PTPRN2: variants seen among roughly 807,000 people sequenced by gnomAD.
The protein encoded by PTPRN2 is receptor-type tyrosine-protein phosphatase N2.
Under a neutral mutation model 118.8 loss-of-function variants are expected in PTPRN2, and 74 were observed. That is an observed-to-expected ratio of 0.62 (90% CI 0.52 to 0.76). The LOEUF (loss-of-function observed/expected upper bound fraction) is 0.76. Among genes scored for constraint, PTPRN2 ranks in the 30% least tolerant of loss-of-function variants. The probability of loss-of-function intolerance (pLI) is 0.00; values close to 1 mark genes in which losing one functional copy is unlikely to be tolerated. For synonymous variants in PTPRN2, 641 were observed against 608.0 expected, an observed-to-expected ratio of 1.05 and a Z score of -0.80; for missense variants, 1,481 against 1,394.4, an observed-to-expected ratio of 1.06 and a Z score of -0.99.
intron 2 of PTPRN2, among the ~76,000 whole-genome samples, chr7:158,450,412 T>C (rs1217843789): frequency 2.0e-5 from 3 of 152,246 alleles, no homozygotes; most frequent in African/African-American, 7.2e-5. Context: ...CTTGCTTTTT[T>C]TAACCTCATA....
Position 158,285,239 on chromosome 7 carries a change from G to A in PTPRN2, c.277+31580C>T, listed in dbSNP as rs138842046. On this transcript the variant is annotated intron_variant, in intron 3 of 22. Transcript: ENST00000389418. ...TGTGTGGGAAGAAAAGGGCACTCGCGGTCCCATGGGCCAAACAAAAGAGTG... is the reference window on the plus strand; with the variant it reads ...TGTGTGGGAAGAAAAGGGCACTCGCAGTCCCATGGGCCAAACAAAAGAGTG... Among the ~76,000 whole-genome samples, 208 of 152,234 alleles carry A rather than the reference G, an allele frequency of 1.4e-3. 1 individual carries two copies. The highest frequency in any genetic ancestry group is 4.7e-3 in the African/African-American group (197 of 41,554).
At chr7:157,656,710 G>A (rs1053635163) in intron 13 of PTPRN2, among the ~76,000 whole-genome samples, 159 bp from the exon 14 acceptor site, 5 of 152,052 alleles carry the variant, frequency 3.3e-5, no homozygotes, top group African/African-American at 7.3e-5. Context: ...GCAACATGAC[G>A]GTCAACGCAC....
intron 11 of PTPRN2, among the ~76,000 whole-genome samples, chr7:157,918,856 G>T (rs1202175426): frequency 6.6e-6 from 1 of 152,332 alleles, no homozygotes; most frequent in East Asian, 1.9e-4. Flanking sequence ...GGACGGAAGG[G>T]CCTGACGGCG....
intron 12 of PTPRN2, among the ~76,000 whole-genome samples, chr7:157,883,980 C>T (rs1796318027): frequency 1.3e-5 from 2 of 152,052 alleles, no homozygotes; most frequent in African/African-American, 4.8e-5. Flanking sequence ...GAAACCAGAA[C>T]ACATCACCCC....
intron 9 of PTPRN2, among the ~76,000 whole-genome samples, chr7:158,123,759 C>T (rs139983065): frequency 7.9e-5 from 12 of 152,334 alleles, no homozygotes; most frequent in South Asian, 2.1e-4. Context: ...GATCTAGGTA[C>T]GGAAGGTCTA....
chr7:157,909,582 C>T (rs1023864537), intron 11 of PTPRN2, among the ~76,000 whole-genome samples: 2 of 152,242 alleles, frequency 1.3e-5, no homozygotes, highest in South Asian at 2.1e-4. Flanking sequence ...CAGCGCGGGA[C>T]GCCCCGGCCA....
chr7:158,533,694 T>C (rs1408893498), intron 1 of PTPRN2, among the ~76,000 whole-genome samples: 1 of 152,216 alleles, frequency 6.6e-6, no homozygotes, highest in Non-Finnish European at 1.5e-5. Flanking sequence ...CAATCTTCCA[T>C]CAATCGATGA....
chr7:158,086,445 C>A (rs184270065), intron 10 of PTPRN2, among the ~76,000 whole-genome samples: 2 of 152,204 alleles, frequency 1.3e-5, no homozygotes, highest in Non-Finnish European at 2.9e-5. Flanking sequence ...CAGCTGCCAG[C>A]GTTTGATTAA....
intron 11 of PTPRN2, among the ~76,000 whole-genome samples, chr7:157,981,659 T>G (rs1408542070): frequency 6.6e-6 from 1 of 152,276 alleles, no homozygotes; most frequent in African/African-American, 2.4e-5. Flanking sequence ...GACTTCAATG[T>G]ATCAAAATTT....
chr7:158,405,901 A>G (rs1813376247), intron 2 of PTPRN2, among the ~76,000 whole-genome samples: 1 of 132,288 alleles, frequency 7.6e-6, no homozygotes, highest in Middle Eastern at 5.6e-3. Context: ...GAGATCCCGC[A>G]GTGGCTCATC....
intron 22 of PTPRN2, among the ~76,000 whole-genome samples, chr7:157,545,051 TGG>T (rs1266629334): frequency 7.1e-6 from 1 of 141,548 alleles, no homozygotes; most frequent in East Asian, 2.2e-4. Context: ...TGGAGGTGTG[TGG>T]GTGTGTGCAG....
At chr7:158,540,694 G>T (rs1048460353) in intron 1 of PTPRN2, among the ~76,000 whole-genome samples, 4 of 152,244 alleles carry the variant, frequency 2.6e-5, no homozygotes, top group African/African-American at 7.2e-5. Flanking sequence ...GGCCCACCGT[G>T]TGTGTCTGCA....
chr7:158,366,255 C>T (rs1397182941), intron 2 of PTPRN2, among the ~76,000 whole-genome samples: 1 of 146,646 alleles, frequency 6.8e-6, no homozygotes, highest in Non-Finnish European at 1.5e-5. Context: ...CGTGCACATG[C>T]ACACACACCC....
At chr7:158,014,396 C>A (rs1019046055) in intron 11 of PTPRN2, among the ~76,000 whole-genome samples, 3 of 151,776 alleles carry the variant, frequency 2.0e-5, no homozygotes, top group African/African-American at 2.4e-5. Flanking sequence ...TTCGTCCATC[C>A]ATCCACCCAT....
chr7:158,484,501 C>T (rs1445546113), intron 2 of PTPRN2, among the ~76,000 whole-genome samples: 2 of 152,102 alleles, frequency 1.3e-5, no homozygotes, highest in African/African-American at 2.4e-5. Flanking sequence ...TAGCTGGGAT[C>T]ACAGGCACGC....
chr7:158,470,061 G>T (rs1339504763), intron 2 of PTPRN2, among the ~76,000 whole-genome samples: 3 of 152,200 alleles, frequency 2.0e-5, no homozygotes, highest in African/African-American at 7.2e-5. Context: ...TTGGGAGCTG[G>T]GATCTGTCCT....
chr7:157,812,412 G>A (rs1264087647), intron 12 of PTPRN2, among the ~76,000 whole-genome samples: 1 of 146,590 alleles, frequency 6.8e-6, no homozygotes, highest in Non-Finnish European at 1.5e-5. Flanking sequence ...AGGAGGGTGG[G>A]AAGAACAAAG....
intron 3 of PTPRN2, among the ~76,000 whole-genome samples, chr7:158,281,455 G>A (rs757749790): frequency 3.3e-5 from 5 of 152,176 alleles, no homozygotes; most frequent in South Asian, 2.1e-4. Context: ...AAATCCAAGC[G>A]GATGGGCACA....
At chr7:158,094,756 A>C (rs1814492054) in intron 10 of PTPRN2, among the ~76,000 whole-genome samples, 1 of 152,226 alleles carries the variant, frequency 6.6e-6, no homozygotes, top group South Asian at 2.1e-4. Flanking sequence ...CCGAAGCCTC[A>C]GCAGCTTGGC....
Sources: gnomAD v4.1 joint callset for allele counts (sites outside exome capture counted in the v4.1 genomes callset) on GRCh38, gnomAD v4.1.1 for gene constraint, MANE v1.5 for transcripts, NCBI Gene and HGNC (gene_info 2026-07-23, HGNC 2026-07-21) for gene names.